CD34: variants seen among roughly 807,000 people sequenced by gnomAD.
CD34 encodes the protein CD34 molecule.
In CD34, 34 loss-of-function variants were observed where a neutral mutation model predicts 40.1. The ratio of observed to expected loss-of-function variants is 0.85; its 90% CI spans 0.65 to 1.13. The LOEUF is 1.13. CD34 is among the 50% of genes most tolerant of loss of function. The probability of loss-of-function intolerance (pLI) is 0.00; values close to 1 mark genes in which losing one functional copy is unlikely to be tolerated. For missense variants in CD34, 426 were observed against 466.9 expected, an observed-to-expected ratio of 0.91 and a Z score of 0.81; for synonymous variants, 209 against 190.0, an observed-to-expected ratio of 1.10 and a Z score of -0.82.
In CD34 at chr1:207,883,342, A is replaced by G. The variant is rs1293630692; in HGVS notation, c.*4396T>C. On this transcript the variant is annotated 3_prime_UTR_variant, in exon 8 of 8. Transcript: ENST00000310833. ...TTTTTACAGGACCCACTCAGAAACC[A>G]CCTGTTCATGACCCAGTCTCAGATC... The G allele has an allele frequency of 6.6e-6, 1 of 152,072 alleles. No individual in the cohort carries two copies. Among genetic ancestry groups the G allele is most frequent in the Non-Finnish European group, 1.5e-5 (1 of 68,020 alleles). 9.4% of individuals were successfully genotyped at this position (152,072 alleles called of 1,614,324 possible).
intron 7 of CD34, 135 bp from the exon 8 acceptor site, chr1:207,888,058 G>A (rs761973746): frequency 3.1e-6 from 5 of 1,612,076 alleles, no homozygotes; most frequent in Non-Finnish European, 4.2e-6. Context: ...AGGATCGGAG[G>A]GAGGGTGCAG....
intron 4 of CD34, among the ~76,000 whole-genome samples, chr1:207,896,649 G>T (rs1412640063): frequency 1.3e-5 from 2 of 151,936 alleles, no homozygotes; most frequent in African/African-American, 4.8e-5. Context: ...AAAAGCTAAA[G>T]AAACAAGATG....
intron 4 of CD34, among the ~76,000 whole-genome samples, chr1:207,893,353 C>T (rs998037349): frequency 2.6e-5 from 4 of 152,102 alleles, no homozygotes; most frequent in South Asian, 2.1e-4. Context: ...GATCCTAGAA[C>T]GCTGAGATTC....
rs186890116 is a variant in CD34 at position 207,880,987 on chromosome 1, T to C, written c.*6751A>G. 107 of 152,294 alleles carry C rather than the reference T, an allele frequency of 7.0e-4. No homozygotes were observed. The highest frequency in any genetic ancestry group is 2.4e-3 in the African/African-American group (100 of 41,560). The allele number at this position is 152,294 out of a possible 1,614,324, so 9.4% of individuals were successfully genotyped here. A position where few individuals can be genotyped will look rare whatever the true frequency, so the allele number is the denominator to read the frequency against. ...GTGAAATGTATTCCTACCAAAACTA[T>C]AAGGTCATGTTTAACAACAACAACA... On this transcript the variant is annotated 3_prime_UTR_variant, in exon 8 of 8. Transcript: ENST00000310833.
At chr1:207,907,437 A>C (rs1662404341) in intron 1 of CD34, among the ~76,000 whole-genome samples, 1 of 152,114 alleles carries the variant, frequency 6.6e-6, no homozygotes, top group South Asian at 2.1e-4. Context: ...ACCTTTGCTC[A>C]TCCAGGATTG....
intron 1 of CD34, among the ~76,000 whole-genome samples, chr1:207,901,246 CT>C (rs1263481865): frequency 1.3e-5 from 2 of 152,218 alleles, no homozygotes; most frequent in African/African-American, 2.4e-5. Context: ...CCCTGTCCTG[CT>C]TCCTGTGAGG....
chr1:207,910,941 A>G, intron 1 of CD34, 61 bp downstream of exon 1: 3 of 1,488,548 alleles, frequency 2.0e-6, no homozygotes, highest in Non-Finnish European at 1.8e-6. Flanking sequence ...TCAGCCTCCC[A>G]GAAAGCCTCC....
At chr1:207,890,149 A>G (rs1662002250) in intron 4 of CD34, 3 of 1,053,502 alleles carry the variant, frequency 2.8e-6, no homozygotes, top group African/African-American at 3.4e-5. Context: ...CTGAAATGGC[A>G]TTTTTGTCTC....
At position 207,899,148 on chromosome 1, in the gene CD34, G is replaced by A. The variant is rs778363505; in HGVS notation, c.341C>T (p.Thr114Ile). 12 of 1,614,092 alleles carry A rather than the reference G, an allele frequency of 7.4e-6. No individual in the cohort carries two copies. The highest frequency in any genetic ancestry group is 5.5e-5 in the South Asian group (5 of 91,086). ...GNTNSSVQSQ[T>I]SVISTVFTTP... The stretch of plus-strand genomic sequence containing the variant: ...GGTGAACACTGTGCTGATTACAGAG[G>A]TCTGTGACTGGACAGAAGAGTTTGT... The change falls in exon 3 of 8, where the codon ACC (threonine) becomes ATC (isoleucine). Residue 114 changes from threonine to isoleucine, a missense_variant. Coordinates refer to ENST00000310833, the MANE Select transcript of CD34 (RefSeq NM_001025109.2).
rs1661890850 is a variant in CD34 at position 207,886,087 on chromosome 1, C to G, written c.*1651G>C. 2 of 152,102 alleles carry G rather than the reference C, an allele frequency of 1.3e-5. No homozygotes were observed. Among genetic ancestry groups the G allele is most frequent in the African/African-American group, 2.4e-5 (1 of 41,352 alleles). The allele number at this position is 152,102 out of a possible 1,614,324, so 9.4% of individuals were successfully genotyped here. On this transcript the variant is annotated 3_prime_UTR_variant, in exon 8 of 8. Transcript: ENST00000310833. The stretch of plus-strand genomic sequence containing the variant: ...GCTGCCAGGTCTCTAGAACAACAGT[C>G]CCCACATAGTCCTTCACTGTGTCTA...
At chr1:207,902,829 A>AACTT (rs1202973118) in intron 1 of CD34, among the ~76,000 whole-genome samples, 1 of 152,200 alleles carries the variant, frequency 6.6e-6, no homozygotes, top group Non-Finnish European at 1.5e-5. Flanking sequence ...AGAGCAAAGC[A>AACTT]ACTCTGGACC....
At chr1:207,901,964 C>G (rs1399593121) in intron 1 of CD34, among the ~76,000 whole-genome samples, 1 of 152,158 alleles carries the variant, frequency 6.6e-6, no homozygotes, top group Non-Finnish European at 1.5e-5. Context: ...AATGACATCT[C>G]TTGTTTCCCT....
intron 1 of CD34, among the ~76,000 whole-genome samples, chr1:207,909,870 T>A (rs1004134782): frequency 6.6e-6 from 1 of 152,236 alleles, no homozygotes; most frequent in African/African-American, 2.4e-5. Context: ...TGTCCCCAGC[T>A]GGGCGGACCC....
rs1661860753 is a variant in CD34 at position 207,884,384 on chromosome 1, C to CG, written c.*3353_*3354insC. On this transcript the variant is annotated 3_prime_UTR_variant, in exon 8 of 8. Coordinates refer to ENST00000310833, the MANE Select transcript of CD34 (RefSeq NM_001025109.2). Reference sequence around the variant, plus strand: ...CCTCTTCTGCTAGAATTATAAGCTTCATGAGTGTTTGCTGTATCCCCAGTC... The same window carrying CG: ...CCTCTTCTGCTAGAATTATAAGCTTCGATGAGTGTTTGCTGTATCCCCAGTC... 1 of 152,266 alleles carries CG rather than the reference C, an allele frequency of 6.6e-6. No individual in the cohort carries two copies. The highest frequency in any genetic ancestry group is 1.5e-5 in the Non-Finnish European group (1 of 68,058). The allele number at this position is 152,266 out of a possible 1,614,324, so 9.4% of individuals were successfully genotyped here. A position where few individuals can be genotyped will look rare whatever the true frequency, so the allele number is the denominator to read the frequency against.
In CD34 at chr1:207,889,534, A is replaced by C. The variant is rs759347295; in HGVS notation, c.685T>G (p.Cys229Gly). 1.2e-6 allele frequency: 2 copies of C among 1,614,134 alleles called. No individual in the cohort carries two copies. Among genetic ancestry groups the C allele is most frequent in the Middle Eastern group, 3.3e-4 (2 of 6,062 alleles). Residue 229 changes from cysteine to glycine, a missense_variant, in exon 5 of 8, where the codon TGC (cysteine) becomes GGC (glycine). Physicochemically the swap from Cys to Gly is radical, Grantham distance 159. Coordinates refer to ENST00000310833, the MANE Select transcript of CD34 (RefSeq NM_001025109.2). The part of the protein sequence containing the change: ...QADADAGAQV[C>G]SLLLAQSEVR... ...TCAGACTGGGCAAGGAGCAGGGAGC[A>C]TACCTGGGCCCCAGCATCAGCATCA...
chr1:207,910,854 C>G (rs1571784013), intron 1 of CD34, 148 bp downstream of exon 1: 19 of 772,444 alleles, frequency 2.5e-5, no homozygotes, highest in South Asian at 5.3e-5. Flanking sequence ...GCGCTGGCCC[C>G]GGGGGGAAGC....
At chr1:207,900,652 G>A (rs762003849) in intron 1 of CD34, among the ~76,000 whole-genome samples, 18 of 151,956 alleles carry the variant, frequency 1.2e-4, no homozygotes, top group Non-Finnish European at 1.6e-4. Context: ...AAACCCATTC[G>A]CCTTTCCTTT....
chr1:207,895,804 G>T (rs1662139942), intron 4 of CD34, among the ~76,000 whole-genome samples: 2 of 152,128 alleles, frequency 1.3e-5, no homozygotes, highest in Non-Finnish European at 2.9e-5. Context: ...GGTTGCAGGG[G>T]GAAAGATCGT....
chr1:207,897,471 G>GT, intron 4 of CD34, 22 bp downstream of exon 4: 1 of 1,529,730 alleles, frequency 6.5e-7, no homozygotes, highest in Non-Finnish European at 8.9e-7. Context: ...GGAGGAAGAG[G>GT]TTGGGTGGGG....
Sources: allele counts gnomAD v4.1 joint callset (sites outside exome capture counted in the v4.1 genomes callset), GRCh38; gene constraint gnomAD v4.1.1; transcripts MANE v1.5; gene names NCBI Gene and HGNC (gene_info 2026-07-23, HGNC 2026-07-21).